Variants in CUX1 observed in about 807,000 individuals in gnomAD.
The protein encoded by CUX1 is cut like homeobox 1, also known as protein CASP.
In CUX1, 31 loss-of-function variants were observed where a neutral mutation model predicts 158.8. That is an observed-to-expected ratio of 0.20 (90% CI 0.15 to 0.26). The LOEUF (loss-of-function observed/expected upper bound fraction) is 0.26, where lower values mean the gene tolerates loss of function less well. Ranked by LOEUF, CUX1 falls within the 10% of genes least tolerant of loss-of-function variation. CUX1 has a pLI of 1.00. For synonymous variants in CUX1, 879 were observed against 862.1 expected (o/e 1.02, Z -0.34); for missense variants, 1,589 against 2,014.6 (o/e 0.79, Z 4.04).
At chr7:102,170,579 G>C (rs905795574) in intron 10 of CUX1, 29 bp downstream of exon 10, 7 of 1,494,754 alleles carry the variant, frequency 4.7e-6, no homozygotes, top group Non-Finnish European at 3.6e-6. Flanking sequence ...GTGGGGGACT[G>C]TCCCCGCCTG....
chr7:102,017,432 C>T (rs1223661117), intron 2 of CUX1, among the ~76,000 whole-genome samples: 1 of 149,772 alleles, frequency 6.7e-6, no homozygotes, highest in East Asian at 1.9e-4. Context: ...ATGTACATCT[C>T]CTCAAATGTC....
rs1430580111 is a variant in CUX1, at chr7:101,860,778, T to TTCCC, written c.30+43112_30+43113insCTCC. On this transcript the variant is annotated intron_variant, in intron 1 of 23. Transcript: ENST00000292535. ...CTTCCTTCCTTCCTTCCTTCCTTCCTTCCTTCCCTCCTTCCCCTCTCTTCT... is the reference window on the plus strand; with the variant it reads ...CTTCCTTCCTTCCTTCCTTCCTTCCTTCCCTCCTTCCCTCCTTCCCCTCTCTTCT... Among the ~76,000 whole-genome samples, 18 of 132,082 alleles carry TTCCC rather than the reference T, an allele frequency of 1.4e-4. No homozygotes were observed. The East Asian group carries it at 1.7e-3, about 13-fold the overall frequency. The allele number at this position is 132,082 out of a possible 152,430, so 86.7% of individuals were successfully genotyped here. A position where few individuals can be genotyped will look rare whatever the true frequency, so the allele number is the denominator to read the frequency against.
In CUX1 at chr7:102,189,800, T is replaced by G. The variant is rs782382380; in HGVS notation, c.1018-13T>G. Reference sequence around the variant, plus strand: ...CAGGCATGGCCACTGATCAAATTCTTCTCTGTTTTCAGCAACTGGAAGAAA... The same window carrying G: ...CAGGCATGGCCACTGATCAAATTCTGCTCTGTTTTCAGCAACTGGAAGAAA... On this transcript the variant is annotated splice_polypyrimidine_tract_variant and intron_variant, in intron 11 of 23. Transcript: ENST00000292535. 1.8e-5 allele frequency: 29 copies of G among 1,614,052 alleles called. No individual in the cohort carries two copies. Among genetic ancestry groups the G allele is most frequent in the Admixed American group, 3.3e-5 (2 of 60,014 alleles).
In CUX1 at chr7:102,197,145, G is replaced by T; in HGVS notation, c.1734G>T (p.Val578=). 6.2e-7 allele frequency: 1 copy of T among 1,614,234 alleles called. No homozygotes were observed. The highest frequency in any genetic ancestry group is 8.5e-7 in the Non-Finnish European group (1 of 1,180,042). Residue 578 remains valine (V), a synonymous_variant, in exon 15 of 24, where the codon GTG becomes GTT. Coordinates refer to ENST00000292535, the MANE Select transcript of CUX1 (RefSeq NM_181552.4). ...NIGQRIFGHY[V]LGLSQGSVSE... is the part of the protein sequence containing the mutation. ...GACAACGTATTTTCGGACATTATGT[G>T]TTGGGACTGTCTCAAGGGTCCGTGA...
chr7:102,016,113 A>AT (rs899627086), intron 2 of CUX1, among the ~76,000 whole-genome samples: 1 of 151,996 alleles, frequency 6.6e-6, no homozygotes, highest in African/African-American at 2.4e-5. Context: ...CACCCAGCTA[A>AT]TTTTTTTGAT....
At chr7:102,130,125 T>A (rs1833056124) in intron 8 of CUX1, among the ~76,000 whole-genome samples, 1 of 152,170 alleles carries the variant, frequency 6.6e-6, no homozygotes, top group Non-Finnish European at 1.5e-5. Context: ...AGAAAGACAG[T>A]GGGGTGTCTC....
chr7:101,911,254 A>AGCCTTG (rs1277567231), intron 1 of CUX1, among the ~76,000 whole-genome samples: 20 of 152,058 alleles, frequency 1.3e-4, no homozygotes, highest in African/African-American at 4.6e-4. Context: ...GGATGGCCTG[A>AGCCTTG]GCCTTGGCCT....
intron 1 of CUX1, among the ~76,000 whole-genome samples, chr7:101,861,081 C>A (rs547930538): frequency 1.1e-4 from 17 of 152,298 alleles, no homozygotes; most frequent in African/African-American, 2.6e-4. Context: ...TGCACCCGGC[C>A]TGCACTAGTT....
At chr7:102,225,363 T>C (rs936996796) in intron 20 of CUX1, among the ~76,000 whole-genome samples, 1 of 152,208 alleles carries the variant, frequency 6.6e-6, no homozygotes, top group Admixed American at 6.5e-5. Flanking sequence ...AAATATTCCT[T>C]GTAGTTGGAA....
At chr7:102,130,891 G>A (rs1404356756) in intron 8 of CUX1, among the ~76,000 whole-genome samples, 1 of 151,862 alleles carries the variant, frequency 6.6e-6, no homozygotes, top group African/African-American at 2.4e-5. Flanking sequence ...GCTCACGCCT[G>A]TAATCCCAGC....
intron 2 of CUX1, among the ~76,000 whole-genome samples, chr7:102,012,850 G>C (rs780099773): frequency 6.6e-6 from 1 of 152,136 alleles, no homozygotes; most frequent in African/African-American, 2.4e-5. Context: ...CAGCAAGTCA[G>C]CTTTTAGAAT....
At chr7:101,903,631 C>T (rs1322164169) in intron 1 of CUX1, among the ~76,000 whole-genome samples, 1 of 152,138 alleles carries the variant, frequency 6.6e-6, no homozygotes, top group African/African-American at 2.4e-5. Context: ...ATTATCCTCC[C>T]CTCTCCCTGC....
At chr7:102,164,394 A>G (rs1425233724) in intron 9 of CUX1, among the ~76,000 whole-genome samples, 1 of 152,238 alleles carries the variant, frequency 6.6e-6, no homozygotes, top group Non-Finnish European at 1.5e-5. Flanking sequence ...TATTGAATGA[A>G]TATGGGCTTT....
chr7:101,887,234 C>G (rs534673829), intron 1 of CUX1, among the ~76,000 whole-genome samples: 1 of 152,196 alleles, frequency 6.6e-6, no homozygotes, highest in African/African-American at 2.4e-5. Flanking sequence ...CCTTTCTTTC[C>G]GATGGGGGCA....
At chr7:102,205,859 C>T (rs954857651) in intron 20 of CUX1, among the ~76,000 whole-genome samples, 1 of 152,160 alleles carries the variant, frequency 6.6e-6, no homozygotes. Flanking sequence ...CCCATGGCCA[C>T]GGCTCCCAGG....
At chr7:101,995,702 C>T (rs1815763008) in intron 2 of CUX1, among the ~76,000 whole-genome samples, 1 of 152,202 alleles carries the variant, frequency 6.6e-6, no homozygotes, top group Non-Finnish European at 1.5e-5. Flanking sequence ...TCGGCTGGCC[C>T]ATGTCCCATA....
chr7:101,875,949 C>T (rs566688246), intron 1 of CUX1, among the ~76,000 whole-genome samples: 2 of 152,226 alleles, frequency 1.3e-5, no homozygotes, highest in East Asian at 3.9e-4. Context: ...GGCCATGAAT[C>T]CTATGACTGC....
chr7:102,116,612 C>G (rs1226407753), intron 8 of CUX1, among the ~76,000 whole-genome samples: 1 of 152,026 alleles, frequency 6.6e-6, no homozygotes, highest in Non-Finnish European at 1.5e-5. Context: ...CCAGTGCACT[C>G]CAGCCTGGGC....
intron 14 of CUX1, among the ~76,000 whole-genome samples, chr7:102,267,260 CAT>C (rs1790879887): frequency 6.6e-6 from 1 of 152,086 alleles, no homozygotes; most frequent in African/African-American, 2.4e-5. Flanking sequence ...GGCAGCCGGG[CAT>C]GTGGCTCATG....
Sources: gnomAD v4.1 joint callset for allele counts (sites outside exome capture counted in the v4.1 genomes callset) on GRCh38, gnomAD v4.1.1 for gene constraint, MANE v1.5 for transcripts, NCBI Gene and HGNC (gene_info 2026-07-23, HGNC 2026-07-21) for gene names.